KCNAB2: variants seen among roughly 807,000 people sequenced by gnomAD.
The protein encoded by KCNAB2 is voltage-gated potassium channel subunit beta-2.
A neutral mutation model predicts 63.6 loss-of-function variants in KCNAB2; 29 were observed. The observed-to-expected ratio is 0.46, with a 90% CI of 0.34 to 0.62. The LOEUF (loss-of-function observed/expected upper bound fraction) is 0.62. KCNAB2 is among the 20% of genes least tolerant of loss of function. KCNAB2 has a pLI of 0.01. For missense variants in KCNAB2, 359 were observed against 563.9 expected (o/e 0.64, Z 3.68); for synonymous variants, 222 against 224.2 (o/e 0.99, Z 0.09).
rs905676807 is a variant in KCNAB2 at position 6,096,241 on chromosome 1, G to T, written c.949-395G>T. 3 of 433,354 alleles carry T rather than the reference G, an allele frequency of 6.9e-6. No homozygotes were observed. Among genetic ancestry groups the T allele is most frequent in the South Asian group, 1.6e-5 (1 of 61,184 alleles). The allele number at this position is 433,354 out of a possible 1,614,324, so 26.8% of individuals were successfully genotyped here. A position where few individuals can be genotyped will look rare whatever the true frequency, so the allele number is the denominator to read the frequency against. On this transcript the variant is annotated intron_variant, in intron 13 of 15. Coordinates refer to ENST00000378083, the MANE Select transcript of KCNAB2 (RefSeq NM_001199862.2). The surrounding 1 kb of genome is among the most constrained non-coding windows in gnomAD (Gnocchi z 5.9). ...CCTCCAGGAGGCCCTGCAATCCTCT[G>T]GGGGGGATGGCCAGGGGAGAGAGCA...
rs1659366033 is a variant in KCNAB2 at position 6,028,545 on chromosome 1, C to CT, written c.-52-11971dup. 6.6e-6 allele frequency among the ~76,000 whole-genome samples: 1 copy of CT among 152,214 alleles called. No individual in the cohort carries two copies. The highest frequency in any genetic ancestry group is 1.9e-4 in the East Asian group (1 of 5,200). ...ACACCTAGCCCAGAACAGCCCCCCT[C>CT]TCTCCATCCCTTCTGCGATGTTCAC... On this transcript the variant is annotated intron_variant, in intron 1 of 16. Coordinates refer to the KCNAB2 transcript ENST00000341524. This position sits in a 1 kb window ranked among gnomAD's most constrained non-coding sequence, Gnocchi z 4.0.
In KCNAB2 at chr1:6,029,151, C is replaced by T. The variant is rs570880562; in HGVS notation, c.-52-11366C>T. Among the ~76,000 whole-genome samples the T allele has an allele frequency of 5.9e-5, 9 of 152,130 alleles. No homozygotes were observed. The South Asian group carries it at 6.2e-4, about 11-fold the overall frequency. ...CAAAAAAATTAGCCAGGCATGGCAG[C>T]GTGTGCCTGTAGTCCCAGCTACTCA... On this transcript the variant is annotated intron_variant, in intron 1 of 16. Coordinates refer to the KCNAB2 transcript ENST00000341524.
intron 1 of KCNAB2, among the ~76,000 whole-genome samples, chr1:6,007,866 T>G (rs1439876261): frequency 6.6e-6 from 1 of 152,136 alleles, no homozygotes; most frequent in Non-Finnish European, 1.5e-5. Flanking sequence ...ATGCAGAGGC[T>G]CCTTCTCTCC....
chr1:5,995,172 G>A (rs984564326), intron 1 of KCNAB2, among the ~76,000 whole-genome samples: 42 of 152,174 alleles, frequency 2.8e-4, no homozygotes, highest in African/African-American at 9.4e-4. Context: ...GCGGCAATTC[G>A]AGAAGGATTG....
chr1:6,078,420 AAGAAAGT>A lies in KCNAB2; in HGVS notation c.301-3769_301-3763del, dbSNP rs1663876369. 6.7e-6 allele frequency among the ~76,000 whole-genome samples: 1 copy of A among 150,174 alleles called. No homozygotes were observed. Among genetic ancestry groups the A allele is most frequent in the African/African-American group, 2.5e-5 (1 of 39,594 alleles). ...AACCATTATTTAGTTGACTGCAGAG[AAGAAAGT>A]AGAAAAAGGAGGGCAGGGGGGCGGG... is the stretch of plus-strand genomic sequence containing the variant. On this transcript the variant is annotated intron_variant, in intron 4 of 15. Coordinates refer to ENST00000378083, the MANE Select transcript of KCNAB2 (RefSeq NM_001199862.2). The surrounding 1 kb of genome is among the most constrained non-coding windows in gnomAD (Gnocchi z 4.2).
At chr1:6,079,490 G>A (rs540365495) in intron 4 of KCNAB2, among the ~76,000 whole-genome samples, 67 of 151,614 alleles carry the variant, frequency 4.4e-4, no homozygotes, top group Admixed American at 1.2e-3. Flanking sequence ...CTGCACTCCC[G>A]CCTGGGCAAC....
At chr1:6,014,301 C>T (rs941945469) in intron 1 of KCNAB2, among the ~76,000 whole-genome samples, 5 of 152,132 alleles carry the variant, frequency 3.3e-5, no homozygotes, top group African/African-American at 9.7e-5. Context: ...ACTTGGTGTC[C>T]GCAAGAATGA....
upstream of KCNAB2, among the ~76,000 whole-genome samples, chr1:6,045,247 A>T (rs981289148): frequency 3.3e-5 from 5 of 152,080 alleles, no homozygotes; most frequent in Non-Finnish European, 4.4e-5. The surrounding 1 kb of genome is among the most constrained non-coding windows in gnomAD (Gnocchi z 4.8). Flanking sequence ...CTCCATTCAA[A>T]ATCCCACATT....
In KCNAB2 at chr1:5,994,280, G is replaced by A. The variant is rs1656791388; in HGVS notation, c.-53+1492G>A. The stretch of plus-strand genomic sequence containing the variant: ...CCGCGTTGCAGGTTGCAGGGTTTGG[G>A]GACCTACGTGTGGAGAGTCACATCT... On this transcript the variant is annotated intron_variant, in intron 1 of 16. Transcript: ENST00000341524. The surrounding 1 kb of genome is among the most constrained non-coding windows in gnomAD (Gnocchi z 5.4). Among the ~76,000 whole-genome samples, 2 of 152,240 alleles carry A rather than the reference G, an allele frequency of 1.3e-5. No homozygotes were observed. Among genetic ancestry groups the A allele is most frequent in the African/African-American group, 2.4e-5 (1 of 41,466 alleles).
chr1:6,077,557 G>A (rs377303234), intron 4 of KCNAB2, among the ~76,000 whole-genome samples: 13 of 152,342 alleles, frequency 8.5e-5, no homozygotes, highest in African/African-American at 3.1e-4. Context: ...CTGTCTGCAC[G>A]CCTTCGGGGG....
chr1:6,057,379 TC>T (rs1037896503), intron 2 of KCNAB2, among the ~76,000 whole-genome samples: 9 of 152,102 alleles, frequency 5.9e-5, no homozygotes. Flanking sequence ...GGCCATCACT[TC>T]CAGCTGGGAA....
chr1:6,060,637 C>T (rs1226967411), intron 2 of KCNAB2, among the ~76,000 whole-genome samples: 1 of 152,210 alleles, frequency 6.6e-6, no homozygotes, highest in Non-Finnish European at 1.5e-5. Flanking sequence ...CGTGGTGGCT[C>T]ACGCCTGCAA....
At chr1:6,068,286 C>T (rs1662918635) in intron 2 of KCNAB2, among the ~76,000 whole-genome samples, 2 of 152,218 alleles carry the variant, frequency 1.3e-5, no homozygotes, top group Admixed American at 1.3e-4. Flanking sequence ...TGTGCATGCA[C>T]ACACGTGCGT....
At chr1:6,012,647 TGTG>T (rs1431857500) in intron 1 of KCNAB2, among the ~76,000 whole-genome samples, 2 of 64,348 alleles carry the variant, frequency 3.1e-5, no homozygotes, top group Admixed American at 1.5e-4. Context: ...AGATGGAGGT[TGTG>T]GTGGAGGTGA....
rs543532983 is a variant in KCNAB2, at chr1:6,055,353, CTTT to C, written c.218+3617_218+3619del. Among the ~76,000 whole-genome samples, 33 of 109,710 alleles carry C rather than the reference CTTT, an allele frequency of 3.0e-4. 1 individual carries two copies. Among genetic ancestry groups the C allele is most frequent in the Admixed American group, 1.9e-3 (20 of 10,350 alleles). 72.0% of individuals were successfully genotyped at this position (109,710 alleles called of 152,430 possible). On this transcript the variant is annotated intron_variant, in intron 2 of 15. Coordinates refer to ENST00000378083, the MANE Select transcript of KCNAB2 (RefSeq NM_001199862.2). Reference sequence around the variant, plus strand: ...AGTGGAGGAGACCAGAAGACAAACGCTTTTTTTTTTTTTTTTTTTTGAGTTGGA... The same window carrying C: ...AGTGGAGGAGACCAGAAGACAAACGCTTTTTTTTTTTTTTTTTGAGTTGGA...
Position 6,024,739 on chromosome 1 carries a change from C to A in KCNAB2, c.-52-15778C>A, listed in dbSNP as rs1443707492. Among the ~76,000 whole-genome samples the A allele has an allele frequency of 6.6e-6, 1 of 152,176 alleles. No homozygotes were observed. Among genetic ancestry groups the A allele is most frequent in the Non-Finnish European group, 1.5e-5 (1 of 68,038 alleles). On this transcript the variant is annotated intron_variant, in intron 1 of 16. Coordinates refer to the KCNAB2 transcript ENST00000341524. This position sits in a 1 kb window ranked among gnomAD's most constrained non-coding sequence, Gnocchi z 5.4. ...CAAGAGGATAACGGCTGTTCTCTGG[C>A]TCTGGGAGGCAGCAGAGGTCACCTG...
At position 6,096,528 on chromosome 1, in the gene KCNAB2, A is replaced by G. The variant is rs891753858; in HGVS notation, c.949-108A>G. The G allele has an allele frequency of 2.2e-4, 313 of 1,398,552 alleles. 1 individual carries two copies. Among genetic ancestry groups the G allele is most frequent in the Admixed American group, 1.3e-3 (51 of 38,254 alleles). The allele number at this position is 1,398,552 out of a possible 1,614,324, so 86.6% of individuals were successfully genotyped here. A position where few individuals can be genotyped will look rare whatever the true frequency, so the allele number is the denominator to read the frequency against. On this transcript the variant is annotated intron_variant, in intron 13 of 15. Transcript: ENST00000378083. The surrounding 1 kb of genome is among the most constrained non-coding windows in gnomAD (Gnocchi z 5.9). ...TGGCTTCAAGATGAGAAGAGCCCCT[A>G]TGAGGGAGAAGGGTCCAGAAGGAAT...
At chr1:6,030,603 CTGTA>C (rs1201070194), upstream of KCNAB2, among the ~76,000 whole-genome samples, 11 of 147,774 alleles carry the variant, frequency 7.4e-5, no homozygotes, top group Non-Finnish European at 1.3e-4. Context: ...GTGTATGTAT[CTGTA>C]TGTGTGTAGG....
Position 6,086,499 on chromosome 1 carries a change from A to G in KCNAB2, c.426-968A>G, listed in dbSNP as rs1664710994. 3.6e-6 allele frequency: 2 copies of G among 548,500 alleles called. No individual in the cohort carries two copies. 34.0% of individuals were successfully genotyped at this position (548,500 alleles called of 1,614,324 possible). ...CGGGGCAGAGGAGGCCTCCTACTCC[A>G]GCCTCGTGAGCTGCTTCCCTGAGCA... is the stretch of plus-strand genomic sequence containing the variant. On this transcript the variant is annotated intron_variant, in intron 6 of 15. Transcript: ENST00000378083. The surrounding 1 kb of genome is among the most constrained non-coding windows in gnomAD (Gnocchi z 4.2).
Sources: gnomAD v4.1 joint callset for allele counts (sites outside exome capture counted in the v4.1 genomes callset) on GRCh38, gnomAD v4.1.1 for gene constraint, Gnocchi (gnomAD v3.1) non-coding constraint, MANE v1.5 for transcripts, NCBI Gene and HGNC (gene_info 2026-07-23, HGNC 2026-07-21) for gene names.